Variants in ADAMTS17 observed in about 807,000 individuals in gnomAD.
ADAMTS17 encodes the protein ADAM metallopeptidase with thrombospondin type 1 motif 17.
Under a neutral mutation model 141.5 loss-of-function variants are expected in ADAMTS17, and 113 were observed. The ratio of observed to expected loss-of-function variants is 0.80; its 90% CI spans 0.69 to 0.93. The LOEUF (loss-of-function observed/expected upper bound fraction) is 0.93, where lower values mean the gene tolerates loss of function less well. ADAMTS17 is among the 40% of genes least tolerant of loss of function. The pLI is 0.00. For synonymous variants in ADAMTS17, 768 were observed against 630.6 expected, an observed-to-expected ratio of 1.22 and a Z score of -3.27; for missense variants, 1,659 against 1,517.9, an observed-to-expected ratio of 1.09 and a Z score of -1.54.
chr15:100,117,541 G>A (rs527746473), intron 12 of ADAMTS17, among the ~76,000 whole-genome samples: 1 of 152,312 alleles, frequency 6.6e-6, no homozygotes, highest in South Asian at 2.1e-4. Flanking sequence ...GTTAGATCCG[G>A]GCTGTGCTAC....
chr15:100,106,666 G>C (rs1254875846), intron 14 of ADAMTS17, among the ~76,000 whole-genome samples: 1 of 152,198 alleles, frequency 6.6e-6, no homozygotes, highest in Non-Finnish European at 1.5e-5. Context: ...TGCTGGCAGA[G>C]GCTGGGGATG....
At chr15:100,087,450 T>A (rs2035182158) in intron 15 of ADAMTS17, among the ~76,000 whole-genome samples, 1 of 130,482 alleles carries the variant, frequency 7.7e-6, no homozygotes, top group Admixed American at 7.7e-5. Flanking sequence ...ACTATTCCAA[T>A]CAATAGAAAA....
At chr15:100,109,365 GT>G (rs1173802251) in intron 13 of ADAMTS17, among the ~76,000 whole-genome samples, 20 of 152,186 alleles carry the variant, frequency 1.3e-4, no homozygotes, top group Admixed American at 1.3e-3. Flanking sequence ...GATACAGGAA[GT>G]TTCCTTTTCC....
rs184376948 is a variant in ADAMTS17, at chr15:100,320,009, A to T, written c.616+10880T>A. Among the ~76,000 whole-genome samples the T allele has an allele frequency of 3.5e-4, 54 of 152,362 alleles. 1 individual carries two copies. Among genetic ancestry groups the T allele is most frequent in the Admixed American group, 2.7e-3 (41 of 15,298 alleles). On this transcript the variant is annotated intron_variant, in intron 3 of 21. Coordinates refer to ENST00000268070, the MANE Select transcript of ADAMTS17 (RefSeq NM_139057.4). ...ATGAAAGAATAGGACACTATAAAAA[A>T]GACAGCAGTGGAAAAGAATCAGATA...
At chr15:100,327,248 G>A (rs186581896) in intron 3 of ADAMTS17, among the ~76,000 whole-genome samples, 18 of 152,280 alleles carry the variant, frequency 1.2e-4, no homozygotes, top group Non-Finnish European at 2.1e-4. Context: ...TTAGCAATGC[G>A]CAGTTTCTAC....
chr15:100,296,001 T>C (rs770562787), intron 3 of ADAMTS17, among the ~76,000 whole-genome samples: 3 of 152,132 alleles, frequency 2.0e-5, no homozygotes, highest in African/African-American at 4.8e-5. Context: ...AACCAGTCAA[T>C]AGGGTGTCCT....
intron 18 of ADAMTS17, among the ~76,000 whole-genome samples, chr15:100,001,904 G>A (rs1031113235): frequency 6.2e-5 from 9 of 145,434 alleles, no homozygotes; most frequent in African/African-American, 2.1e-4. Flanking sequence ...GGGAGGCAGA[G>A]GTTGTAGTGA....
intron 18 of ADAMTS17, among the ~76,000 whole-genome samples, chr15:100,031,025 G>T (rs1004297586): frequency 1.1e-4 from 16 of 152,202 alleles, no homozygotes; most frequent in African/African-American, 3.9e-4. Context: ...CTGACTCGGG[G>T]TGAAGGAATT....
chr15:100,280,317 C>A (rs529786113), intron 4 of ADAMTS17, among the ~76,000 whole-genome samples: 26 of 152,236 alleles, frequency 1.7e-4, no homozygotes, highest in African/African-American at 6.0e-4. Flanking sequence ...ACTCTCCAAC[C>A]CCCACATCCT....
chr15:100,076,060 C>T (rs929607296), intron 15 of ADAMTS17, among the ~76,000 whole-genome samples: 23 of 150,472 alleles, frequency 1.5e-4, no homozygotes, highest in African/African-American at 4.9e-4. Context: ...TTTTTGTTTT[C>T]GAGATGGAGT....
At chr15:100,109,227 G>A in intron 13 of ADAMTS17, 111 bp from the exon 14 acceptor site, 1 of 1,203,796 alleles carries the variant, frequency 8.3e-7, no homozygotes, top group Non-Finnish European at 1.1e-6. Flanking sequence ...GTCCGCACAG[G>A]TCAGTAAAGG....
At chr15:100,308,274 C>T (rs1220896789) in intron 3 of ADAMTS17, among the ~76,000 whole-genome samples, 1 of 152,186 alleles carries the variant, frequency 6.6e-6, no homozygotes, top group Admixed American at 6.5e-5. Flanking sequence ...ATCTGGCAGC[C>T]AGAAATTATG....
intron 4 of ADAMTS17, among the ~76,000 whole-genome samples, chr15:100,278,162 G>A (rs2142065371): frequency 6.6e-6 from 1 of 152,252 alleles, no homozygotes; most frequent in South Asian, 2.1e-4. Flanking sequence ...GGGGAAGATA[G>A]TGTTTAATGG....
At chr15:100,073,154 G>A (rs35211674) in intron 15 of ADAMTS17, among the ~76,000 whole-genome samples, 6,244 of 152,064 alleles carry the variant, frequency 0.041, 436 homozygotes, top group African/African-American at 0.14. Context: ...CAACAGACAC[G>A]TGAAAAAATG....
intron 15 of ADAMTS17, among the ~76,000 whole-genome samples, chr15:100,071,141 G>C (rs947007196): frequency 6.6e-6 from 1 of 150,418 alleles, no homozygotes; most frequent in Admixed American, 6.6e-5. Flanking sequence ...AGAAAATCTA[G>C]AAGAAATGGA....
chr15:100,232,841 G>A (rs973178340), intron 7 of ADAMTS17, among the ~76,000 whole-genome samples: 5 of 152,176 alleles, frequency 3.3e-5, no homozygotes, highest in East Asian at 3.9e-4. Context: ...TGGAGGCGGC[G>A]CAGATCGATT....
In ADAMTS17 at chr15:100,333,516, G is replaced by A. The variant is rs114051179; in HGVS notation, c.451-2462C>T. ...CAGGAAAATTCAATGTGTAGCCAGG[G>A]TTGAGAAGCGCCGTCCTAGCTTTTC... On this transcript the variant is annotated intron_variant, in intron 2 of 21. Transcript: ENST00000268070. 7.6e-3 allele frequency among the ~76,000 whole-genome samples: 1,155 copies of A among 152,288 alleles called. 21 individuals carry two copies. Among genetic ancestry groups the A allele is most frequent in the African/African-American group, 0.027 (1,101 of 41,540 alleles).
At chr15:100,121,955 T>G (rs1398880656) in intron 12 of ADAMTS17, among the ~76,000 whole-genome samples, 1 of 152,168 alleles carries the variant, frequency 6.6e-6, no homozygotes, top group Non-Finnish European at 1.5e-5. Flanking sequence ...ATCTTAAGTG[T>G]GGCTTCCCAG....
chr15:100,341,431 G>C, intron 1 of ADAMTS17, 22 bp from the exon 2 acceptor site: 1 of 1,013,940 alleles, frequency 9.9e-7, no homozygotes, highest in Non-Finnish European at 1.2e-6. Context: ...GAGGAGACGC[G>C]TCAGCGCGGC....
Sources: gnomAD v4.1 joint callset for allele counts (sites outside exome capture counted in the v4.1 genomes callset) on GRCh38, gnomAD v4.1.1 for gene constraint, MANE v1.5 for transcripts, NCBI Gene and HGNC (gene_info 2026-07-23, HGNC 2026-07-21) for gene names.